NCAPD3: variants seen among roughly 807,000 people sequenced by gnomAD.
The protein encoded by NCAPD3 is non-SMC condensin II complex subunit D3, also known as condensin-2 complex subunit D3.
Under a neutral mutation model 182.9 loss-of-function variants are expected in NCAPD3, and 105 were observed. That is an observed-to-expected ratio of 0.57 (90% CI 0.49 to 0.68). The LOEUF is 0.68. NCAPD3 is among the 30% of genes least tolerant of loss of function. The probability of loss-of-function intolerance (pLI) is 0.00; values close to 1 mark genes in which losing one functional copy is unlikely to be tolerated. For missense variants in NCAPD3, 1,944 were observed against 1,837.0 expected (o/e 1.06, Z -1.07); for synonymous variants, 815 against 679.9 (o/e 1.20, Z -3.09).
intron 32 of NCAPD3, among the ~76,000 whole-genome samples, chr11:134,156,383 G>A (rs1943419788): frequency 6.6e-6 from 1 of 152,180 alleles, no homozygotes; most frequent in African/African-American, 2.4e-5. Flanking sequence ...ATTTAGGACA[G>A]GAAGCATTTC....
At chr11:134,168,649 TAAGGG>T in intron 25 of NCAPD3, 47 bp from the exon 26 acceptor site, 1 of 1,610,278 alleles carries the variant, frequency 6.2e-7, no homozygotes. Flanking sequence ...GGCACGGGTG[TAAGGG>T]ATTTAACACT....
intron 20 of NCAPD3, 127 bp from the exon 21 acceptor site, chr11:134,179,063 T>C: frequency 1.5e-6 from 1 of 661,242 alleles, no homozygotes; most frequent in South Asian, 2.0e-5. Flanking sequence ...CTAGTTTTCG[T>C]TTCATAAAAA....
At chr11:134,208,092 C>T (rs1218807625) in intron 7 of NCAPD3, among the ~76,000 whole-genome samples, 2 of 152,238 alleles carry the variant, frequency 1.3e-5, no homozygotes, top group East Asian at 3.9e-4. Context: ...GGACCCACAG[C>T]TAGTAAGTGG....
intron 22 of NCAPD3, 90 bp downstream of exon 22, chr11:134,178,544 G>T: frequency 9.8e-7 from 1 of 1,015,840 alleles, no homozygotes; most frequent in Non-Finnish European, 1.4e-6. Context: ...AGGCTCCGCA[G>T]CCCCTGACAC....
chr11:134,223,781 A>AC, intron 1 of NCAPD3, 82 bp downstream of exon 1: 1 of 1,184,130 alleles, frequency 8.4e-7, no homozygotes. Flanking sequence ...CCCCACCGGC[A>AC]CCCCGGCCCG....
At chr11:134,187,498 G>A (rs1382186278) in intron 16 of NCAPD3, among the ~76,000 whole-genome samples, 1 of 152,124 alleles carries the variant, frequency 6.6e-6, no homozygotes, top group East Asian at 1.9e-4. Context: ...TCAGTCAACA[G>A]CAATTGATTC....
rs201535131 is a variant in NCAPD3 at position 134,157,143 on chromosome 11, C to A, written c.4175-48G>T. On this transcript the variant is annotated intron_variant, in intron 31 of 34. Transcript: ENST00000534548. ...ATCCAGAAATACCCCCAAACAATAACGAAGAGCAAAACAACCACATGAGAA... is the reference window on the plus strand; with the variant it reads ...ATCCAGAAATACCCCCAAACAATAAAGAAGAGCAAAACAACCACATGAGAA... The A allele has an allele frequency of 6.2e-6, 9 of 1,463,036 alleles. 1 individual carries two copies. The Admixed American group carries it at 1.5e-4, about 24-fold the overall frequency. The allele number at this position is 1,463,036 out of a possible 1,614,324, so 90.6% of individuals were successfully genotyped here.
At chr11:134,161,986 C>T (rs527613181) in intron 27 of NCAPD3, 95 bp from the exon 28 acceptor site, 111 of 626,370 alleles carry the variant, frequency 1.8e-4, no homozygotes, top group African/African-American at 1.7e-3. Context: ...CACCCTACCA[C>T]ACTATGTAAG....
chr11:134,167,076 T>C (rs1365126843), intron 27 of NCAPD3, among the ~76,000 whole-genome samples: 3 of 52,104 alleles, frequency 5.8e-5, no homozygotes, highest in African/African-American at 2.6e-4. Context: ...TTGGGGGAGC[T>C]GCACACTCAC....
chr11:134,224,125 G>A (rs1007526019), upstream of NCAPD3: 10 of 647,302 alleles, frequency 1.5e-5, no homozygotes, highest in Admixed American at 2.3e-4. Context: ...GGGCCGAAAA[G>A]TGGAAGCCAA....
chr11:134,185,389 G>A lies in NCAPD3; in HGVS notation c.2183C>T (p.Ser728Phe), dbSNP rs1024190632. 5 of 1,613,970 alleles carry A rather than the reference G, an allele frequency of 3.1e-6. No homozygotes were observed. Among genetic ancestry groups the A allele is most frequent in the Non-Finnish European group, 4.2e-6 (5 of 1,179,958 alleles). ...TCTGCTGTAGTCCAGCCTGGGTGAG[G>A]AGCCAGCAATCTTGGAGAGCAGCAT... ...AWMLLSKIAG[S>F]SPRLDYSRII... The change falls in exon 17 of 35, where the codon TCC becomes TTC. Residue 728 changes from serine to phenylalanine, a missense_variant. Around this residue, in one of 3 missense-constraint regions of NCAPD3, gnomAD observed 1,803 missense variants for 1,674.6 expected, o/e 1.08. Coordinates refer to ENST00000534548, the MANE Select transcript of NCAPD3 (RefSeq NM_015261.3).
rs752931368 is a variant in NCAPD3 at position 134,184,915 on chromosome 11, C to G, written c.2323G>C (p.Asp775His). ...AGCAGACACTCACCAGTCACTTTGT[C>G]CCGGGTGCTCTTAGGAAGATGCTTT... Reference protein sequence around the residue: ...IAKHLPKSTRDKVTDAVKCKL... With the variant: ...IAKHLPKSTRHKVTDAVKCKL... The change falls in exon 18 of 35, where the codon GAC becomes CAC. Residue 775 changes from aspartate (D) to histidine (H), a missense_variant. Asp to His is a moderately conservative substitution (Grantham distance 81, BLOSUM62 -1). Coordinates refer to ENST00000534548, the MANE Select transcript of NCAPD3 (RefSeq NM_015261.3). 7.4e-6 allele frequency: 12 copies of G among 1,611,364 alleles called. No individual in the cohort carries two copies. The Admixed American group carries it at 2.0e-4, about 27-fold the overall frequency.
Position 134,158,310 on chromosome 11 carries a change from G to T in NCAPD3, c.4034+19C>A, listed in dbSNP as rs1943484450. The T allele has an allele frequency of 1.9e-6, 3 of 1,613,304 alleles. No individual in the cohort carries two copies. Among genetic ancestry groups the T allele is most frequent in the Non-Finnish European group, 2.5e-6 (3 of 1,179,720 alleles). ...GCCACAGAGAACCAGCCCTGATGTG[G>T]CCTCCAGGGGCTCTTTACCTGGCTT... On this transcript the variant is annotated intron_variant, in intron 30 of 34. Transcript: ENST00000534548.
At chr11:134,207,328 C>G (rs1337310548) in intron 7 of NCAPD3, among the ~76,000 whole-genome samples, 1 of 151,904 alleles carries the variant, frequency 6.6e-6, no homozygotes, top group African/African-American at 2.4e-5. Context: ...GTAAGCAGGA[C>G]ATGTATAATT....
At chr11:134,184,194 T>G (rs7131644) in intron 19 of NCAPD3, among the ~76,000 whole-genome samples, 27,451 of 152,208 alleles carry the variant, frequency 0.18, 2,540 homozygotes, top group East Asian at 0.27. Flanking sequence ...ATTTGAGTAG[T>G]GTAACCTCAT....
In NCAPD3 at chr11:134,151,196, T is replaced by C. The variant is rs183014324; in HGVS notation, c.*1748A>G. 1.4e-4 allele frequency: 21 copies of C among 152,412 alleles called. No homozygotes were observed. The East Asian group carries it at 4.0e-3, about 29-fold the overall frequency. 9.4% of individuals were successfully genotyped at this position (152,412 alleles called of 1,614,324 possible). ...GTTTTTTATACTTTGACAGCTTTTT[T>C]TTAATTGCATACATGAGACTGTGTT... is the stretch of plus-strand genomic sequence containing the variant. On this transcript the variant is annotated 3_prime_UTR_variant, in exon 35 of 35. Transcript: ENST00000534548.
chr11:134,220,607 A>G lies in NCAPD3; in HGVS notation c.184T>C (p.Leu62=), dbSNP rs765644536. 1 of 1,614,042 alleles carries G rather than the reference A, an allele frequency of 6.2e-7. No homozygotes were observed. The highest frequency in any genetic ancestry group is 1.1e-5 in the South Asian group (1 of 91,074). The change falls in exon 2 of 35, where the codon TTA becomes CTA. Residue 62 remains leucine (L), a synonymous_variant. Coordinates refer to ENST00000534548, the MANE Select transcript of NCAPD3 (RefSeq NM_015261.3). ...CCATGTTCTCCAGTAGCAAAGGGTA[A>G]AAGGCTTTCATAGAGTTTTGTGAAT... is the stretch of plus-strand genomic sequence containing the variant. The part of the protein sequence containing the change: ...AAFTKLYESL[L]PFATGEHGSM...
chr11:134,175,935 TC>T (rs1944150405), intron 24 of NCAPD3, among the ~76,000 whole-genome samples: 1 of 151,914 alleles, frequency 6.6e-6, no homozygotes, highest in African/African-American at 2.4e-5. Context: ...CAGCTCTTTA[TC>T]AAAATTAACT....
chr11:134,164,887 CATG>C lies in NCAPD3; in HGVS notation c.3574-2999_3574-2997del, dbSNP rs544136571. On this transcript the variant is annotated intron_variant, in intron 27 of 34. Transcript: ENST00000534548. Reference sequence around the variant, plus strand: ...GAGGGAGCTACATACTCACTTGTGACATGAGCTTAGGGGGAGCTGCACACTCAC... The same window carrying C: ...GAGGGAGCTACATACTCACTTGTGACAGCTTAGGGGGAGCTGCACACTCAC... 2.3e-3 allele frequency among the ~76,000 whole-genome samples: 317 copies of C among 140,674 alleles called. 6 individuals are homozygous for C. In the South Asian group the frequency reaches 0.027, roughly 12 times the overall value. 92.3% of individuals were successfully genotyped at this position (140,674 alleles called of 152,430 possible). A position where few individuals can be genotyped will look rare whatever the true frequency, so the allele number is the denominator to read the frequency against.
Sources: allele counts gnomAD v4.1 joint callset (sites outside exome capture counted in the v4.1 genomes callset), GRCh38; gene constraint gnomAD v4.1.1; regional missense constraint gnomAD v4.1.1; transcripts MANE v1.5; gene names NCBI Gene and HGNC (gene_info 2026-07-23, HGNC 2026-07-21).